NYAP2: variants seen among roughly 807,000 people sequenced by gnomAD.
NYAP2 encodes the protein neuronal tyrosine-phosphorylated phosphoinositide-3-kinase adapter 2.
Under a neutral mutation model 50.4 loss-of-function variants are expected in NYAP2, and 23 were observed. That is an observed-to-expected ratio of 0.46 (90% CI 0.33 to 0.65). NYAP2 has a LOEUF of 0.65. Ranked by LOEUF, NYAP2 falls within the 30% of genes least tolerant of loss-of-function variation. The pLI, the probability that NYAP2 is intolerant of heterozygous loss-of-function variation, is 0.02. For synonymous variants in NYAP2, 394 were observed against 365.2 expected (o/e 1.08, Z -0.90); for missense variants, 885 against 861.0 (o/e 1.03, Z -0.35).
intron 3 of NYAP2, among the ~76,000 whole-genome samples, chr2:225,488,618 C>T (rs1559193664): frequency 6.6e-6 from 1 of 152,192 alleles, no homozygotes. Flanking sequence ...AAATGATCGC[C>T]CACCTTGGCC....
intron 4 of NYAP2, among the ~76,000 whole-genome samples, chr2:225,531,378 C>T (rs115513851): frequency 6.6e-6 from 1 of 152,320 alleles, no homozygotes; most frequent in African/African-American, 2.4e-5. Context: ...TCTGTAATAA[C>T]TTATGTAGGC....
intron 3 of NYAP2, among the ~76,000 whole-genome samples, chr2:225,460,992 C>CA (rs869283101): frequency 0.046 from 1,926 of 42,174 alleles, 75 homozygotes; most frequent in East Asian, 0.1. Context: ...GACTCTGTCT[C>CA]AAAAAAAAAA....
At chr2:225,586,957 C>T (rs1214615175) in intron 5 of NYAP2, among the ~76,000 whole-genome samples, 1 of 152,116 alleles carries the variant, frequency 6.6e-6, no homozygotes, top group Non-Finnish European at 1.5e-5. Context: ...CCTCAGAAAA[C>T]TTACAATCAT....
chr2:225,678,400 G>T, the NYAP2 span, among the ~76,000 whole-genome samples: 1 of 151,904 alleles, frequency 6.6e-6, no homozygotes, highest in Non-Finnish European at 1.5e-5. Flanking sequence ...GAACTTTTGG[G>T]TCTCAATTTC....
chr2:225,678,822 A>C, the NYAP2 span, among the ~76,000 whole-genome samples: 1 of 152,164 alleles, frequency 6.6e-6, no homozygotes, highest in Non-Finnish European at 1.5e-5. Flanking sequence ...TTCTGGGTTT[A>C]ACCCTGGCTC....
chr2:225,626,055 G>A (rs1482571678), intron 5 of NYAP2, among the ~76,000 whole-genome samples: 2 of 152,186 alleles, frequency 1.3e-5, no homozygotes, highest in East Asian at 3.9e-4. Flanking sequence ...TAAAGAAAGA[G>A]AGAGAAAAGT....
intron 5 of NYAP2, among the ~76,000 whole-genome samples, chr2:225,593,841 A>G (rs1443277826): frequency 1.3e-5 from 2 of 152,266 alleles, no homozygotes; most frequent in African/African-American, 4.8e-5. Flanking sequence ...TTAAGTGAAA[A>G]AACAAAAATC....
intron 3 of NYAP2, among the ~76,000 whole-genome samples, chr2:225,416,337 G>A (rs137869036): frequency 7.8e-4 from 118 of 152,238 alleles, no homozygotes; most frequent in Middle Eastern, 3.4e-3. Flanking sequence ...TGAGCCAGAA[G>A]TTTAATCTGC....
chr2:225,567,785 G>T (rs1691987284), intron 4 of NYAP2, among the ~76,000 whole-genome samples: 1 of 152,168 alleles, frequency 6.6e-6, no homozygotes, highest in Non-Finnish European at 1.5e-5. Context: ...GTGTGGAACA[G>T]TGGTAGTTTG....
At chr2:225,553,208 G>C (rs550762343) in intron 4 of NYAP2, among the ~76,000 whole-genome samples, 3 of 152,216 alleles carry the variant, frequency 2.0e-5, no homozygotes, top group Non-Finnish European at 4.4e-5. Context: ...AGGACCACTA[G>C]AAGAACCTGG....
At chr2:225,530,138 T>C (rs768805970) in intron 4 of NYAP2, among the ~76,000 whole-genome samples, 3 of 152,214 alleles carry the variant, frequency 2.0e-5, no homozygotes, top group Non-Finnish European at 4.4e-5. Flanking sequence ...TTTTTCTTGT[T>C]TATACTGCTA....
At chr2:225,519,704 C>T (rs907713696) in intron 4 of NYAP2, among the ~76,000 whole-genome samples, 2 of 152,122 alleles carry the variant, frequency 1.3e-5, no homozygotes, top group Non-Finnish European at 2.9e-5. Flanking sequence ...CAAGTCTTTG[C>T]TATTATGAAT....
chr2:225,436,517 T>C (rs1026213065), intron 3 of NYAP2, among the ~76,000 whole-genome samples: 1 of 152,156 alleles, frequency 6.6e-6, no homozygotes, highest in East Asian at 1.9e-4. Context: ...ACCAGTCACA[T>C]TGGATTAGGG....
intron 5 of NYAP2, among the ~76,000 whole-genome samples, chr2:225,609,376 C>G (rs1692841971): frequency 6.6e-6 from 1 of 152,118 alleles, no homozygotes; most frequent in South Asian, 2.1e-4. Flanking sequence ...TGTCCTGCCT[C>G]TCTTGTTCAC....
chr2:225,692,866 AACAT>A, the NYAP2 span, among the ~76,000 whole-genome samples: 8,848 of 147,866 alleles, frequency 0.06, 340 homozygotes, highest in East Asian at 0.22. Context: ...CTTATCTTTA[AACAT>A]ACACACACAC....
the NYAP2 span, among the ~76,000 whole-genome samples, chr2:225,681,965 C>A: frequency 4.6e-5 from 7 of 152,180 alleles, no homozygotes; most frequent in Non-Finnish European, 8.8e-5. Flanking sequence ...CTTGTGCTCA[C>A]TATATGTTAG....
intron 3 of NYAP2, among the ~76,000 whole-genome samples, chr2:225,505,337 C>T (rs771029936): frequency 2.0e-5 from 3 of 152,048 alleles, no homozygotes; most frequent in Non-Finnish European, 2.9e-5. Context: ...GTGTTTGAGC[C>T]TAAGGCAAGA....
At chr2:225,435,503 G>C (rs1347386045) in intron 3 of NYAP2, among the ~76,000 whole-genome samples, 1 of 152,118 alleles carries the variant, frequency 6.6e-6, no homozygotes, top group East Asian at 1.9e-4. Context: ...GACTTGACTG[G>C]TCCAATACTC....
chr2:225,432,476 T>C (rs1689283514), intron 3 of NYAP2, among the ~76,000 whole-genome samples: 1 of 150,096 alleles, frequency 6.7e-6, no homozygotes, highest in East Asian at 1.9e-4. Context: ...GCTATATAAA[T>C]ATATATAAAT....
Sources: allele counts gnomAD v4.1 joint callset (sites outside exome capture counted in the v4.1 genomes callset), GRCh38; gene constraint gnomAD v4.1.1; transcripts MANE v1.5; gene names NCBI Gene and HGNC (gene_info 2026-07-23, HGNC 2026-07-21).